Variants in PLXNA2 observed in about 807,000 individuals in gnomAD.
PLXNA2 encodes plexin A2.
PLXNA2 carries 91 observed loss-of-function variants against 193.5 expected under a neutral mutation model. The ratio of observed to expected loss-of-function variants is 0.47; its 90% CI spans 0.40 to 0.56. The LOEUF (loss-of-function observed/expected upper bound fraction) is 0.56, where lower values mean the gene tolerates loss of function less well. PLXNA2 is among the 20% of genes least tolerant of loss of function. The probability of loss-of-function intolerance (pLI) is 0.00; values close to 1 mark genes in which losing one functional copy is unlikely to be tolerated. For missense variants in PLXNA2, 1,995 were observed against 2,503.2 expected (o/e 0.80, Z 4.33); for synonymous variants, 997 against 1,027.3 (o/e 0.97, Z 0.56).
At chr1:208,232,616 T>A (rs1396945224) in intron 1 of PLXNA2, among the ~76,000 whole-genome samples, 1 of 152,230 alleles carries the variant, frequency 6.6e-6, no homozygotes, top group African/African-American at 2.4e-5. Flanking sequence ...TCCGTCCCGT[T>A]TATGACAATG....
At chr1:208,072,388 A>G (rs969679033) in intron 12 of PLXNA2, among the ~76,000 whole-genome samples, 3 of 152,150 alleles carry the variant, frequency 2.0e-5, no homozygotes, top group Admixed American at 2.0e-4. Context: ...TTCACATCTT[A>G]AGGGTGGTGG....
chr1:208,092,999 GTCTCAT>G (rs1429663526), intron 8 of PLXNA2, 99 bp from the exon 9 acceptor site: 11 of 758,612 alleles, frequency 1.5e-5, no homozygotes, highest in Admixed American at 2.2e-5. Context: ...TTAAATCCTA[GTCTCAT>G]TCTCAGGAGG....
intron 17 of PLXNA2, among the ~76,000 whole-genome samples, chr1:208,047,943 C>T (rs1328097395): frequency 1.3e-5 from 2 of 152,118 alleles, no homozygotes. Flanking sequence ...AACCTAATGC[C>T]CCTTTCATGT....
chr1:208,153,475 C>A (rs115017298), intron 3 of PLXNA2, among the ~76,000 whole-genome samples: 1 of 152,194 alleles, frequency 6.6e-6, no homozygotes, highest in Non-Finnish European at 1.5e-5. Context: ...CCCAACCACC[C>A]GGAATCTTCT....
chr1:208,172,143 C>T (rs1307517487), intron 3 of PLXNA2, among the ~76,000 whole-genome samples: 1 of 151,580 alleles, frequency 6.6e-6, no homozygotes, highest in Non-Finnish European at 1.5e-5. Context: ...ACCACAAAGA[C>T]TTTTGCACCA....
chr1:208,198,652 G>C (rs1266425679), intron 3 of PLXNA2, among the ~76,000 whole-genome samples: 1 of 152,222 alleles, frequency 6.6e-6, no homozygotes, highest in African/African-American at 2.4e-5. Context: ...CATGTCCCGA[G>C]TTTCCAGGGC....
intron 3 of PLXNA2, among the ~76,000 whole-genome samples, chr1:208,153,543 G>A (rs1668835637): frequency 6.6e-6 from 1 of 152,298 alleles, no homozygotes; most frequent in Admixed American, 6.5e-5. Flanking sequence ...ATCTTTTCTG[G>A]CTCCCCAGTG....
intron 3 of PLXNA2, among the ~76,000 whole-genome samples, chr1:208,160,379 G>A (rs1179452994): frequency 1.3e-5 from 2 of 152,180 alleles, no homozygotes; most frequent in African/African-American, 4.8e-5. Flanking sequence ...GGAGAGCCAC[G>A]GGGTGGAGGA....
At chr1:208,198,129 G>T (rs546630331) in intron 3 of PLXNA2, among the ~76,000 whole-genome samples, 1 of 152,248 alleles carries the variant, frequency 6.6e-6, no homozygotes, top group South Asian at 2.1e-4. Flanking sequence ...AAAGGCATCA[G>T]GCATCAATAT....
rs1452951773 is a variant in PLXNA2 at position 208,084,710 on chromosome 1, GAATGGGCAGGGAA to G, written c.2098-143_2098-131del. On this transcript the variant is annotated intron_variant, in intron 9 of 31. Coordinates refer to ENST00000367033, the MANE Select transcript of PLXNA2 (RefSeq NM_025179.4). ...GATATTACCTCATGTAAGGCCCGTG[GAATGGGCAGGGAA>G]AATGGAATCGCTCTTAGCTCCTGGG... is the stretch of plus-strand genomic sequence containing the variant. The G allele has an allele frequency of 5.2e-6, 4 of 768,150 alleles. No homozygotes were observed. The Admixed American group carries it at 8.5e-5, about 16-fold the overall frequency. The allele number at this position is 768,150 out of a possible 1,614,324, so 47.6% of individuals were successfully genotyped here.
At chr1:208,221,381 GTTTTTTTTTTT>G (rs33915614) in intron 1 of PLXNA2, among the ~76,000 whole-genome samples, 16 of 58,086 alleles carry the variant, frequency 2.8e-4, no homozygotes, top group East Asian at 6.2e-4. Context: ...TTCTTTTTCT[GTTTTTTTTTTT>G]TTTTTTTTTT....
intron 3 of PLXNA2, among the ~76,000 whole-genome samples, chr1:208,147,289 C>T (rs547511090): frequency 6.6e-6 from 1 of 152,250 alleles, no homozygotes; most frequent in South Asian, 2.1e-4. Context: ...CCACGAAGTG[C>T]TAGGATTACA....
chr1:208,033,033 T>C lies in PLXNA2; in HGVS notation c.5055+286A>G, dbSNP rs545344322. Among the ~76,000 whole-genome samples the C allele has an allele frequency of 2.0e-5, 3 of 149,048 alleles. No individual in the cohort carries two copies. The South Asian group carries it at 6.4e-4, about 32-fold the overall frequency. ...GGGAACTGGACTATCTCTCTCTCTCTCTTTTTTTTTTTCCAATTTTGTCCT... is the reference window on the plus strand; with the variant it reads ...GGGAACTGGACTATCTCTCTCTCTCCCTTTTTTTTTTTCCAATTTTGTCCT... On this transcript the variant is annotated intron_variant, in intron 28 of 31. Coordinates refer to ENST00000367033, the MANE Select transcript of PLXNA2 (RefSeq NM_025179.4).
At chr1:208,067,650 C>T (rs1665841323) in intron 12 of PLXNA2, among the ~76,000 whole-genome samples, 1 of 152,152 alleles carries the variant, frequency 6.6e-6, no homozygotes, top group South Asian at 2.1e-4. Context: ...GTGTTACAAT[C>T]GCCCATGGTG....
intron 2 of PLXNA2, among the ~76,000 whole-genome samples, chr1:208,215,369 T>C (rs1180178892): frequency 6.6e-6 from 1 of 151,992 alleles, no homozygotes; most frequent in African/African-American, 2.4e-5. Flanking sequence ...TCAATACTAC[T>C]TGTAAATGAA....
At chr1:208,152,698 C>G (rs995669816) in intron 3 of PLXNA2, among the ~76,000 whole-genome samples, 3 of 151,610 alleles carry the variant, frequency 2.0e-5, no homozygotes, top group Non-Finnish European at 4.4e-5. Flanking sequence ...CACACACACA[C>G]ACACACACAC....
At chr1:208,129,651 C>T (rs76752988) in intron 4 of PLXNA2, among the ~76,000 whole-genome samples, 1,764 of 152,336 alleles carry the variant, frequency 0.012, 52 homozygotes, top group East Asian at 0.091. Context: ...TCCCCTCTCA[C>T]GATTCACCTA....
At chr1:208,111,217 A>ATTAAT (rs1251556252) in intron 4 of PLXNA2, among the ~76,000 whole-genome samples, 8 of 152,136 alleles carry the variant, frequency 5.3e-5, no homozygotes, top group East Asian at 3.9e-4. Context: ...CACCTGGCTA[A>ATTAAT]TTAATTTAAT....
chr1:208,076,090 C>T (rs1289170111), intron 12 of PLXNA2, among the ~76,000 whole-genome samples: 1 of 150,168 alleles, frequency 6.7e-6, no homozygotes, highest in Non-Finnish European at 1.5e-5. Context: ...AAAAAAGAGA[C>T]AGGGTTTTGC....
Sources: allele counts gnomAD v4.1 joint callset (sites outside exome capture counted in the v4.1 genomes callset), GRCh38; gene constraint gnomAD v4.1.1; transcripts MANE v1.5; gene names NCBI Gene and HGNC (gene_info 2026-07-23, HGNC 2026-07-21).